PDE6A: variants seen among roughly 807,000 people sequenced by gnomAD.
The protein encoded by PDE6A is rod cGMP-specific 3',5'-cyclic phosphodiesterase subunit alpha.
In PDE6A, 84 loss-of-function variants were observed where a neutral mutation model predicts 106.3. The observed-to-expected ratio is 0.79, with a 90% CI of 0.66 to 0.95. PDE6A has a LOEUF of 0.95. PDE6A is among the 40% of genes least tolerant of loss of function. The pLI is 0.00. For missense variants in PDE6A, 1,052 were observed against 1,084.9 expected (o/e 0.97, Z 0.43); for synonymous variants, 394 against 386.6 (o/e 1.02, Z -0.23).
chr5:149,916,796 C>T lies in PDE6A; in HGVS notation c.934-1789G>A, dbSNP rs191412053. 7.9e-3 allele frequency among the ~76,000 whole-genome samples: 1,197 copies of T among 152,242 alleles called. 13 individuals carry two copies. The highest frequency in any genetic ancestry group is 0.028 in the African/African-American group (1,152 of 41,552). ...GCAAGACAGTGAACCAAAATCAGAA[C>T]CTGGGTCCTTAATTCCCAGCTCAGT... On this transcript the variant is annotated intron_variant, in intron 5 of 21. Coordinates refer to ENST00000255266, the MANE Select transcript of PDE6A (RefSeq NM_000440.3).
At chr5:149,867,824 C>T (rs576831457) in intron 18 of PDE6A, 25 bp from the exon 19 acceptor site, 26 of 1,607,646 alleles carry the variant, frequency 1.6e-5, no homozygotes, top group African/African-American at 9.3e-5. Flanking sequence ...CCCTCACACA[C>T]GCAGAGTCAG....
In PDE6A at chr5:149,902,347, C is replaced by T. The variant is rs141504821; in HGVS notation, c.1113+1301G>A. ...GAATCTCCAGCGATGCCCCTCCTCT[C>T]CCCTCTGCCCTTCTCCTAATCACCA... On this transcript the variant is annotated intron_variant, in intron 8 of 21. Coordinates refer to ENST00000255266, the MANE Select transcript of PDE6A (RefSeq NM_000440.3). 4.0e-4 allele frequency among the ~76,000 whole-genome samples: 61 copies of T among 152,276 alleles called. 1 individual carries two copies. The highest frequency in any genetic ancestry group is 1.4e-3 in the African/African-American group (59 of 41,556).
At chr5:149,881,438 CT>C (rs1288368733) in intron 17 of PDE6A, among the ~76,000 whole-genome samples, 8 of 152,196 alleles carry the variant, frequency 5.3e-5, no homozygotes, top group Admixed American at 5.2e-4. Context: ...AAATCATAGC[CT>C]TTGCAGCAAC....
intron 3 of PDE6A, chr5:149,932,321 A>G: frequency 6.9e-7 from 1 of 1,442,952 alleles, no homozygotes; most frequent in East Asian, 2.3e-5. Flanking sequence ...GGATTTCTTC[A>G]TTTTGAGGGG....
intron 8 of PDE6A, 131 bp from the exon 9 acceptor site, chr5:149,899,655 C>G (rs1752895197): frequency 3.3e-6 from 3 of 906,522 alleles, no homozygotes; most frequent in Admixed American, 3.5e-5. Flanking sequence ...CATTGGATTT[C>G]GCATGAGTTT....
chr5:149,908,247 C>T (rs1753265059), intron 6 of PDE6A, among the ~76,000 whole-genome samples: 1 of 152,218 alleles, frequency 6.6e-6, no homozygotes, highest in South Asian at 2.1e-4. Flanking sequence ...GGACATCCCC[C>T]ATCCCTTCAC....
At chr5:149,865,474 A>G (rs1460512376) in intron 20 of PDE6A, among the ~76,000 whole-genome samples, 1 of 151,994 alleles carries the variant, frequency 6.6e-6, no homozygotes, top group Non-Finnish European at 1.5e-5. Context: ...ATTACTGATG[A>G]TAGTGGCAAG....
chr5:149,896,751 T>C lies in PDE6A; in HGVS notation c.1433A>G (p.Glu478Gly). 1 of 1,614,118 alleles carries C rather than the reference T, an allele frequency of 6.2e-7. No homozygotes were observed. Among genetic ancestry groups the C allele is most frequent in the South Asian group, 1.1e-5 (1 of 91,070 alleles). The change falls in exon 11 of 22, where the codon GAG becomes GGG. Residue 478 changes from glutamate (E) to glycine (G), a missense_variant. Physicochemically the swap from Glu to Gly is moderately conservative, Grantham distance 98. Transcript: ENST00000255266. ...CTCCTCTTCCTCACACTCCCATGGC[T>C]CCTTCCCATACACCTCTCTGGTTTT... ...ILKTREVYGK[E>G]PWECEEEELA...
chr5:149,890,011 A>G (rs1442313059), intron 13 of PDE6A, among the ~76,000 whole-genome samples: 1 of 143,154 alleles, frequency 7.0e-6, no homozygotes, highest in East Asian at 2.2e-4. Context: ...GCTGGAGTGC[A>G]GTGGCACGAT....
intron 5 of PDE6A, among the ~76,000 whole-genome samples, chr5:149,917,586 G>T (rs1384708695): frequency 6.6e-6 from 1 of 152,172 alleles, no homozygotes; most frequent in East Asian, 1.9e-4. Context: ...TTAAACAAAA[G>T]GCAGAAGCTG....
chr5:149,908,859 A>G (rs1753283794), intron 6 of PDE6A, among the ~76,000 whole-genome samples: 1 of 152,190 alleles, frequency 6.6e-6, no homozygotes, highest in African/African-American at 2.4e-5. Flanking sequence ...TCTAAAAAAT[A>G]TAAATAAGTA....
intron 17 of PDE6A, among the ~76,000 whole-genome samples, chr5:149,869,591 TA>T (rs1480096468): frequency 6.6e-6 from 1 of 152,210 alleles, no homozygotes; most frequent in African/African-American, 2.4e-5. Flanking sequence ...GCATGGGCCC[TA>T]AATTCCATGC....
intron 17 of PDE6A, among the ~76,000 whole-genome samples, chr5:149,868,573 T>C (rs970711091): frequency 1.1e-4 from 16 of 152,254 alleles, no homozygotes; most frequent in Admixed American, 8.5e-4. Flanking sequence ...CAAACATCAA[T>C]TTCATTTAAA....
intron 17 of PDE6A, among the ~76,000 whole-genome samples, chr5:149,870,783 A>AC (rs1453118551): frequency 2.7e-5 from 4 of 150,806 alleles, no homozygotes; most frequent in South Asian, 2.1e-4. Context: ...AAAAAAAAAA[A>AC]AAAAAAAAAC....
intron 1 of PDE6A, among the ~76,000 whole-genome samples, chr5:149,942,317 T>A (rs369008168): frequency 4.6e-5 from 7 of 151,994 alleles, no homozygotes; most frequent in Non-Finnish European, 1.0e-4. Flanking sequence ...CAGGCTGGAG[T>A]GCAGTGTCTA....
Position 149,942,311 on chromosome 5 carries a change from C to T in PDE6A, c.474+1889G>A, listed in dbSNP as rs557276508. ...TACGGTTCTTGCTATATTGCCCAGG[C>T]TGGAGTGCAGTGTCTATTCACAGGT... On this transcript the variant is annotated intron_variant, in intron 1 of 21. Coordinates refer to ENST00000255266, the MANE Select transcript of PDE6A (RefSeq NM_000440.3). Among the ~76,000 whole-genome samples the T allele has an allele frequency of 5.9e-5, 9 of 152,232 alleles. No homozygotes were observed. In the East Asian group the frequency reaches 1.5e-3, roughly 26 times the overall value.
At chr5:149,925,204 T>C (rs909853205) in intron 4 of PDE6A, among the ~76,000 whole-genome samples, 2 of 152,078 alleles carry the variant, frequency 1.3e-5, no homozygotes, top group African/African-American at 4.8e-5. Context: ...AAACAGATCA[T>C]AGAAATAGGT....
At position 149,903,633 on chromosome 5, in the gene PDE6A, T is replaced by TA. The variant is rs1196213863; in HGVS notation, c.1113+14dup. ...AAAATCATATGACTAAGACTGCAAATAAAAAATGACTTACCTGAAATGCAA... is the reference window on the plus strand; with the variant it reads ...AAAATCATATGACTAAGACTGCAAATAAAAAAATGACTTACCTGAAATGCAA... On this transcript the variant is annotated intron_variant, in intron 8 of 21. Coordinates refer to ENST00000255266, the MANE Select transcript of PDE6A (RefSeq NM_000440.3). 16 of 1,607,318 alleles carry TA rather than the reference T, an allele frequency of 1.0e-5. No individual in the cohort carries two copies. The East Asian group carries it at 3.1e-4, about 31-fold the overall frequency.
At chr5:149,908,834 T>C (rs72830280) in intron 6 of PDE6A, among the ~76,000 whole-genome samples, 18,890 of 151,990 alleles carry the variant, frequency 0.12, 1,231 homozygotes, top group South Asian at 0.2. Flanking sequence ...CTGGGCAACA[T>C]AGGGGGACTC....
Sources: allele counts gnomAD v4.1 joint callset (sites outside exome capture counted in the v4.1 genomes callset), GRCh38; gene constraint gnomAD v4.1.1; transcripts MANE v1.5; gene names NCBI Gene and HGNC (gene_info 2026-07-23, HGNC 2026-07-21).